The following IMMP2L variants were observed in gnomAD, a reference collection of about 807,000 sequenced individuals.
The protein encoded by IMMP2L is inner mitochondrial membrane peptidase subunit 2.
A neutral mutation model predicts 19.3 loss-of-function variants in IMMP2L; 18 were observed. That is an observed-to-expected ratio of 0.93 (90% confidence interval 0.64 to 1.38). The LOEUF is 1.38. Among genes scored for constraint, IMMP2L ranks in the 40% most tolerant of loss-of-function variants. The pLI is 0.00. For missense variants in IMMP2L, 233 were observed against 218.2 expected, an observed-to-expected ratio of 1.07 and a Z score of -0.43; for synonymous variants, 76 against 73.0, an observed-to-expected ratio of 1.04 and a Z score of -0.21.
chr7:110,685,705 G>A (rs1200771931), intron 5 of IMMP2L, among the ~76,000 whole-genome samples: 1 of 151,924 alleles, frequency 6.6e-6, no homozygotes, highest in African/African-American at 2.4e-5. Flanking sequence ...TGTGGTTGCT[G>A]TTATGTTTCA....
intron 5 of IMMP2L, among the ~76,000 whole-genome samples, chr7:110,676,995 A>T (rs903342449): frequency 2.0e-5 from 3 of 152,206 alleles, no homozygotes; most frequent in Non-Finnish European, 2.9e-5. Flanking sequence ...ACATGATGCA[A>T]CAAGTGGAGG....
chr7:111,308,084 C>G (rs954357623), intron 3 of IMMP2L, among the ~76,000 whole-genome samples: 6 of 151,818 alleles, frequency 4.0e-5, no homozygotes, highest in African/African-American at 1.4e-4. Context: ...GCGTATCTGT[C>G]CAAATTCAAT....
intron 5 of IMMP2L, among the ~76,000 whole-genome samples, chr7:110,768,384 G>C (rs559820040): frequency 6.6e-6 from 1 of 152,054 alleles, no homozygotes; most frequent in East Asian, 1.9e-4. Context: ...GATGCACAGG[G>C]CTCTGCAGGC....
intron 3 of IMMP2L, among the ~76,000 whole-genome samples, chr7:111,000,465 T>G (rs1320596253): frequency 6.6e-6 from 1 of 152,110 alleles, no homozygotes; most frequent in African/African-American, 2.4e-5. Flanking sequence ...TGATAATATA[T>G]TTGGGTGATG....
chr7:111,448,775 T>C (rs1229335412), intron 3 of IMMP2L, among the ~76,000 whole-genome samples: 1 of 100,188 alleles, frequency 1.0e-5, no homozygotes. Flanking sequence ...CAGGAGCTGG[T>C]TTTTTGAAAG....
chr7:110,980,581 C>CT (rs1350757646), intron 3 of IMMP2L, among the ~76,000 whole-genome samples: 1 of 152,032 alleles, frequency 6.6e-6, no homozygotes, highest in Non-Finnish European at 1.5e-5. Flanking sequence ...ATGAAACTGT[C>CT]TTGTACATGA....
intron 3 of IMMP2L, among the ~76,000 whole-genome samples, chr7:111,334,338 A>G (rs929073954): frequency 6.6e-6 from 1 of 151,838 alleles, no homozygotes; most frequent in Non-Finnish European, 1.5e-5. Flanking sequence ...TGCTTGGCTT[A>G]TTTCACTTAA....
At chr7:111,498,497 C>T (rs1174769649) in intron 2 of IMMP2L, among the ~76,000 whole-genome samples, 1 of 151,720 alleles carries the variant, frequency 6.6e-6, no homozygotes, top group Non-Finnish European at 1.5e-5. Flanking sequence ...TTTTCTTGCT[C>T]AGAACCACTT....
intron 3 of IMMP2L, among the ~76,000 whole-genome samples, chr7:111,284,176 CA>C (rs1201655690): frequency 1.3e-5 from 2 of 151,602 alleles, no homozygotes; most frequent in African/African-American, 4.9e-5. Flanking sequence ...CTAAAAAAAA[CA>C]GTTACTTTTT....
At chr7:111,124,347 G>T in intron 3 of IMMP2L, 2 of 1,613,670 alleles carry the variant, frequency 1.2e-6, no homozygotes, top group Non-Finnish European at 1.7e-6. Context: ...ATGGCTCTTT[G>T]AATATTAAAA....
intron 1 of IMMP2L, among the ~76,000 whole-genome samples, chr7:111,525,063 G>A (rs1015843231): frequency 1.3e-5 from 2 of 152,164 alleles, no homozygotes; most frequent in Non-Finnish European, 2.9e-5. Flanking sequence ...CAACTATGGA[G>A]TGATAAGGGT....
intron 4 of IMMP2L, among the ~76,000 whole-genome samples, chr7:110,904,269 G>A (rs540230206): frequency 5.9e-5 from 9 of 152,124 alleles, no homozygotes; most frequent in Non-Finnish European, 7.4e-5. Flanking sequence ...AGTGCCACTC[G>A]TTTATTTTTG....
intron 3 of IMMP2L, among the ~76,000 whole-genome samples, chr7:111,066,135 C>T (rs1187225530): frequency 3.3e-5 from 5 of 151,946 alleles, no homozygotes; most frequent in African/African-American, 9.7e-5. Flanking sequence ...CACGTCACCA[C>T]GCCTGGCAAA....
intron 5 of IMMP2L, among the ~76,000 whole-genome samples, chr7:110,677,344 G>C (rs1461520413): frequency 6.6e-6 from 1 of 152,068 alleles, no homozygotes; most frequent in Non-Finnish European, 1.5e-5. Flanking sequence ...AAAGATTAAA[G>C]CATATAAATG....
intron 1 of IMMP2L, among the ~76,000 whole-genome samples, chr7:111,542,013 TA>T (rs574814128): frequency 4.6e-5 from 7 of 152,122 alleles, no homozygotes; most frequent in Non-Finnish European, 1.0e-4. Context: ...AAGAAATACT[TA>T]AAAGGTTAGT....
intron 3 of IMMP2L, among the ~76,000 whole-genome samples, chr7:111,240,810 A>C (rs979208609): frequency 5.9e-5 from 9 of 151,750 alleles, no homozygotes; most frequent in Admixed American, 4.6e-4. Flanking sequence ...AAAATTAAAC[A>C]TTTTCATTTT....
chr7:111,117,246 C>A (rs1799995358), intron 3 of IMMP2L, among the ~76,000 whole-genome samples: 2 of 151,994 alleles, frequency 1.3e-5, no homozygotes, highest in Admixed American at 6.6e-5. Flanking sequence ...TTGTTAGACA[C>A]CTTTGGAAAA....
chr7:111,521,564 A>G (rs551156610), intron 1 of IMMP2L, 115 bp from the exon 2 acceptor site: 5 of 800,650 alleles, frequency 6.2e-6, no homozygotes, highest in Non-Finnish European at 7.7e-6. Context: ...GTCTCTTAAT[A>G]TATTACACAC....
chr7:110,772,145 T>C (rs527740225), intron 5 of IMMP2L, among the ~76,000 whole-genome samples: 3 of 152,242 alleles, frequency 2.0e-5, no homozygotes, highest in Non-Finnish European at 2.9e-5. Flanking sequence ...TCTGGAATAC[T>C]GATGTGGTAG....
Sources: gnomAD v4.1 joint callset for allele counts (sites outside exome capture counted in the v4.1 genomes callset) on GRCh38, gnomAD v4.1.1 for gene constraint, MANE v1.5 for transcripts, NCBI Gene and HGNC (gene_info 2026-07-23, HGNC 2026-07-21) for gene names.